Variants in SLC30A4 observed in about 807,000 individuals in gnomAD.
The protein encoded by SLC30A4 is solute carrier family 30 member 4.
SLC30A4 carries 20 observed loss-of-function variants against 41.7 expected under a neutral mutation model. The observed-to-expected ratio is 0.48, with a 90% CI of 0.34 to 0.70. The LOEUF (loss-of-function observed/expected upper bound fraction) is 0.70, where lower values mean the gene tolerates loss of function less well. Ranked by LOEUF, SLC30A4 falls within the 30% of genes least tolerant of loss-of-function variation. SLC30A4 has a pLI of 0.01. For missense variants in SLC30A4, 441 were observed against 529.3 expected, an observed-to-expected ratio of 0.83 and a Z score of 1.64; for synonymous variants, 181 against 195.9, an observed-to-expected ratio of 0.92 and a Z score of 0.64.
Position 45,484,286 on chromosome 15 carries a change from G to T in SLC30A4, c.*877C>A, listed in dbSNP as rs1238044012. On this transcript the variant is annotated 3_prime_UTR_variant, in exon 8 of 8. Coordinates refer to ENST00000261867, the MANE Select transcript of SLC30A4 (RefSeq NM_013309.6). ...GACAGAAGATTACTGTTTACATTTT[G>T]CAGTCTCTTGCTTTTTTAAGACAAT... The T allele has an allele frequency of 6.6e-6, 1 of 152,158 alleles. No homozygotes were observed. The highest frequency in any genetic ancestry group is 1.9e-4 in the East Asian group (1 of 5,194). The allele number at this position is 152,158 out of a possible 1,614,324, so 9.4% of individuals were successfully genotyped here. A position where few individuals can be genotyped will look rare whatever the true frequency, so the allele number is the denominator to read the frequency against.
At chr15:45,491,552 C>T (rs1042230259) in intron 3 of SLC30A4, among the ~76,000 whole-genome samples, 1 of 152,168 alleles carries the variant, frequency 6.6e-6, no homozygotes, top group African/African-American at 2.4e-5. Flanking sequence ...CATAGTGAGA[C>T]TCCGTCTCTC....
intron 2 of SLC30A4, chr15:45,513,844 T>A (rs1271262529): frequency 6.6e-6 from 1 of 152,192 alleles, no homozygotes; most frequent in Non-Finnish European, 1.5e-5. Flanking sequence ...GGTAGTTCCC[T>A]AAAGGACGTG....
intron 2 of SLC30A4, among the ~76,000 whole-genome samples, chr15:45,518,491 C>T (rs1167057452): frequency 6.6e-6 from 1 of 152,160 alleles, no homozygotes; most frequent in Non-Finnish European, 1.5e-5. Flanking sequence ...AAAGAATGGA[C>T]CTTTACGAAG....
At chr15:45,507,955 G>A (rs968256708) in intron 3 of SLC30A4, among the ~76,000 whole-genome samples, 1 of 152,040 alleles carries the variant, frequency 6.6e-6, no homozygotes, top group Non-Finnish European at 1.5e-5. Context: ...TTTGTAAAAA[G>A]GAAATGCTGG....
intron 2 of SLC30A4, among the ~76,000 whole-genome samples, chr15:45,514,710 T>C (rs1288065193): frequency 6.6e-6 from 1 of 151,558 alleles, no homozygotes; most frequent in Non-Finnish European, 1.5e-5. Flanking sequence ...AGATGGTGTA[T>C]CATCATGTTG....
At chr15:45,488,139 G>T (rs934301499) in intron 5 of SLC30A4, among the ~76,000 whole-genome samples, 1 of 152,088 alleles carries the variant, frequency 6.6e-6, no homozygotes. Context: ...AAAGAAGAGG[G>T]AACTCAAGTT....
At chr15:45,488,521 CAA>C (rs1021538520) in intron 5 of SLC30A4, among the ~76,000 whole-genome samples, 10 of 152,024 alleles carry the variant, frequency 6.6e-5, no homozygotes, top group African/African-American at 2.4e-4. Context: ...TGCAGTAAGC[CAA>C]GATTGTGCCA....
At chr15:45,494,483 G>C (rs1891870618) in intron 3 of SLC30A4, among the ~76,000 whole-genome samples, 1 of 151,994 alleles carries the variant, frequency 6.6e-6, no homozygotes, top group Admixed American at 6.6e-5. Context: ...TCAGGAGTTC[G>C]AGACCAGCCT....
chr15:45,506,176 G>A (rs985437034), intron 3 of SLC30A4, among the ~76,000 whole-genome samples: 1 of 152,068 alleles, frequency 6.6e-6, no homozygotes, highest in Non-Finnish European at 1.5e-5. Context: ...CTGAGATCAC[G>A]CCACTGCACT....
intron 3 of SLC30A4, among the ~76,000 whole-genome samples, chr15:45,509,139 T>A (rs1892222978): frequency 2.0e-5 from 3 of 152,058 alleles, no homozygotes; most frequent in South Asian, 2.1e-4. Flanking sequence ...CTCAAAAAAA[T>A]TAATGTTTAA....
chr15:45,490,904 C>T, intron 3 of SLC30A4, 23 bp from the exon 4 acceptor site: 1 of 1,506,194 alleles, frequency 6.6e-7, no homozygotes, highest in Non-Finnish European at 8.9e-7. Flanking sequence ...ACACATATAA[C>T]AAATACATTT....
chr15:45,492,884 C>G (rs550760598), intron 3 of SLC30A4, among the ~76,000 whole-genome samples: 1 of 152,134 alleles, frequency 6.6e-6, no homozygotes, highest in Non-Finnish European at 1.5e-5. Context: ...CCTATATATG[C>G]TTTTGTACCA....
chr15:45,502,993 C>T (rs1387099100), intron 3 of SLC30A4: 5 of 145,534 alleles, frequency 3.4e-5, no homozygotes, highest in Admixed American at 1.4e-4. Flanking sequence ...GACCGTGTCT[C>T]GAAAAAAAAA....
intron 3 of SLC30A4, among the ~76,000 whole-genome samples, chr15:45,503,571 G>A (rs1028474865): frequency 3.3e-5 from 5 of 151,506 alleles, no homozygotes; most frequent in African/African-American, 9.7e-5. Flanking sequence ...AGCCAAGATC[G>A]AGCCACTGCA....
At chr15:45,505,039 T>C (rs1892121048) in intron 3 of SLC30A4, among the ~76,000 whole-genome samples, 1 of 152,044 alleles carries the variant, frequency 6.6e-6, no homozygotes, top group Admixed American at 6.6e-5. Context: ...GAGACTAGCC[T>C]GGCCAACGTG....
chr15:45,521,146 C>T, intron 2 of SLC30A4: 1 of 368,834 alleles, frequency 2.7e-6, no homozygotes, highest in South Asian at 2.2e-5. Context: ...AATCATCTCC[C>T]TGCTTTTATG....
In SLC30A4 at chr15:45,522,001, G is replaced by T; in HGVS notation, c.354C>A (p.Ala118=). ...CAATCATGAAAAGCAAGTACAGAAC[G>T]GCAGCAATGGTCAACCTGGCTTTCA... ...RKVKARLTIA[A]VLYLLFMIGE... The change falls in exon 2 of 8, where the codon GCC becomes GCA. Residue 118 remains alanine (A), a synonymous_variant. Transcript: ENST00000261867. 6.2e-7 allele frequency: 1 copy of T among 1,614,168 alleles called. No homozygotes were observed. The highest frequency in any genetic ancestry group is 1.1e-5 in the South Asian group (1 of 91,072).
chr15:45,489,911 C>T (rs947976859), intron 4 of SLC30A4, among the ~76,000 whole-genome samples: 1 of 151,794 alleles, frequency 6.6e-6, no homozygotes, highest in African/African-American at 2.4e-5. Context: ...TGGAACACAG[C>T]CATGTTCATT....
At chr15:45,506,938 G>C (rs1171114833) in intron 3 of SLC30A4, among the ~76,000 whole-genome samples, 1 of 152,112 alleles carries the variant, frequency 6.6e-6, no homozygotes, top group East Asian at 1.9e-4. Context: ...ACTAATTCCA[G>C]AACATGTTCA....
Sources: allele counts gnomAD v4.1 joint callset (sites outside exome capture counted in the v4.1 genomes callset), GRCh38; gene constraint gnomAD v4.1.1; transcripts MANE v1.5; gene names NCBI Gene and HGNC (gene_info 2026-07-23, HGNC 2026-07-21).